The following SLC39A11 variants were observed in gnomAD, a reference collection of about 807,000 sequenced individuals.
The protein encoded by SLC39A11 is zinc transporter ZIP11.
SLC39A11 carries 33 observed loss-of-function variants against 36.1 expected under a neutral mutation model. The ratio of observed to expected loss-of-function variants is 0.91; its 90% confidence interval spans 0.69 to 1.22. The LOEUF is 1.22. Ranked by LOEUF, SLC39A11 falls within the 50% of genes most tolerant of loss-of-function variation. The pLI, the probability that SLC39A11 is intolerant of heterozygous loss-of-function variation, is 0.00. For missense variants in SLC39A11, 432 were observed against 430.3 expected (o/e 1.00, Z -0.03); for synonymous variants, 166 against 170.3 (o/e 0.97, Z 0.20).
intron 3 of SLC39A11, among the ~76,000 whole-genome samples, chr17:73,060,064 C>T (rs1036393482): frequency 6.6e-6 from 1 of 151,836 alleles, no homozygotes; most frequent in Non-Finnish European, 1.5e-5. Flanking sequence ...CAAAAATCGG[C>T]CAAGCATGGT....
intron 5 of SLC39A11, among the ~76,000 whole-genome samples, chr17:72,869,490 A>G (rs777889988): frequency 2.6e-5 from 4 of 152,174 alleles, no homozygotes; most frequent in Non-Finnish European, 5.9e-5. Context: ...CCCGGGTTCA[A>G]GCAATTCTCC....
At chr17:73,049,743 G>T (rs1383264019) in intron 3 of SLC39A11, among the ~76,000 whole-genome samples, 1 of 152,198 alleles carries the variant, frequency 6.6e-6, no homozygotes, top group African/African-American at 2.4e-5. Flanking sequence ...CCTGAGAGGG[G>T]CTTCCACTCC....
intron 7 of SLC39A11, among the ~76,000 whole-genome samples, chr17:72,664,441 T>C (rs539869343): frequency 1.1e-3 from 174 of 152,320 alleles, no homozygotes; most frequent in Admixed American, 3.1e-3. Context: ...CATTCTTGGC[T>C]ACTCTCTGTC....
At chr17:72,859,718 C>G (rs967600455) in intron 5 of SLC39A11, among the ~76,000 whole-genome samples, 1 of 150,502 alleles carries the variant, frequency 6.6e-6, no homozygotes, top group East Asian at 2.0e-4. Context: ...ACCAAGAAAA[C>G]TTCATAGAAA....
At chr17:72,734,527 G>A (rs916085869) in intron 7 of SLC39A11, among the ~76,000 whole-genome samples, 3 of 152,190 alleles carry the variant, frequency 2.0e-5, no homozygotes, top group Admixed American at 6.5e-5. Context: ...CTGCTGCCCC[G>A]ACTCCACCCC....
chr17:72,862,855 T>C (rs2080112214), intron 5 of SLC39A11, among the ~76,000 whole-genome samples: 1 of 152,198 alleles, frequency 6.6e-6, no homozygotes, highest in African/African-American at 2.4e-5. Context: ...GGGAGCAGAC[T>C]GTGAGTAGCT....
At chr17:72,847,004 G>A (rs1332446566) in intron 6 of SLC39A11, among the ~76,000 whole-genome samples, 1 of 152,160 alleles carries the variant, frequency 6.6e-6, no homozygotes, top group South Asian at 2.1e-4. Context: ...GGGTGGGCAC[G>A]AGCAGGGTCT....
Position 73,088,885 on chromosome 17 carries a change from A to G in SLC39A11, c.-11-110T>C. On this transcript the variant is annotated intron_variant, in intron 1 of 9. Coordinates refer to ENST00000255559, the MANE Select transcript of SLC39A11 (RefSeq NM_139177.4). ...TGGGAGCTGGCCTCCCTCCAGGTTG[A>G]CCGTATGCACCCTTCCACCACGCCA... 1.6e-5 allele frequency: 12 copies of G among 731,644 alleles called. No homozygotes were observed. The South Asian group carries it at 1.9e-4, about 12-fold the overall frequency. The allele number at this position is 731,644 out of a possible 1,614,324, so 45.3% of individuals were successfully genotyped here.
intron 4 of SLC39A11, among the ~76,000 whole-genome samples, chr17:73,021,956 C>T (rs563762282): frequency 3.3e-5 from 5 of 152,310 alleles, no homozygotes; most frequent in African/African-American, 9.6e-5. Context: ...TGTGTGTGTG[C>T]GCGCGTGTTC....
chr17:72,908,102 T>G (rs2082759293), intron 5 of SLC39A11, among the ~76,000 whole-genome samples: 1 of 152,156 alleles, frequency 6.6e-6, no homozygotes, highest in Admixed American at 6.5e-5. Context: ...GTGCCACAAG[T>G]GAGACATCAG....
chr17:72,780,267 A>G (rs2144851993), intron 6 of SLC39A11, among the ~76,000 whole-genome samples: 1 of 152,250 alleles, frequency 6.6e-6, no homozygotes, highest in Middle Eastern at 3.4e-3. Context: ...CCTTCTCTGA[A>G]AACACTTCCC....
intron 5 of SLC39A11, among the ~76,000 whole-genome samples, chr17:72,931,640 G>A (rs2084404272): frequency 6.6e-6 from 1 of 152,224 alleles, no homozygotes; most frequent in African/African-American, 2.4e-5. Context: ...TTGGTTCAAG[G>A]TTGAGGAATC....
chr17:72,807,620 A>C (rs76495931), intron 6 of SLC39A11, among the ~76,000 whole-genome samples: 1,700 of 152,326 alleles, frequency 0.011, 26 homozygotes, highest in African/African-American at 0.039. Flanking sequence ...ACAAGAAGAT[A>C]TGATGAGTTT....
chr17:72,954,984 G>A (rs2086139595), intron 4 of SLC39A11, among the ~76,000 whole-genome samples: 1 of 152,202 alleles, frequency 6.6e-6, no homozygotes, highest in Non-Finnish European at 1.5e-5. Context: ...CAAGGAGGAT[G>A]ACGGTTTAAG....
chr17:73,040,988 AAAAAAAC>A (rs71359753), intron 3 of SLC39A11, among the ~76,000 whole-genome samples: 9 of 132,210 alleles, frequency 6.8e-5, no homozygotes, highest in South Asian at 4.6e-4. Flanking sequence ...CCATCTCAAA[AAAAAAAC>A]AAAAAACAAA....
chr17:72,844,142 G>A (rs2078946846), intron 6 of SLC39A11, among the ~76,000 whole-genome samples: 1 of 152,206 alleles, frequency 6.6e-6, no homozygotes, highest in African/African-American at 2.4e-5. Context: ...ATAAAGGATA[G>A]TGTTAAAGAA....
At chr17:72,954,590 A>G (rs1287168672) in intron 4 of SLC39A11, among the ~76,000 whole-genome samples, 2 of 152,252 alleles carry the variant, frequency 1.3e-5, no homozygotes, top group Non-Finnish European at 1.5e-5. Flanking sequence ...CCAGACACAC[A>G]AGGCAACGTT....
At chr17:73,000,819 C>T (rs1161115122) in intron 4 of SLC39A11, among the ~76,000 whole-genome samples, 1 of 152,208 alleles carries the variant, frequency 6.6e-6, no homozygotes, top group East Asian at 1.9e-4. Flanking sequence ...TTTGAAACTA[C>T]ATTTTTGCTT....
At chr17:72,829,518 G>T (rs2078178454) in intron 6 of SLC39A11, among the ~76,000 whole-genome samples, 1 of 152,144 alleles carries the variant, frequency 6.6e-6, no homozygotes, top group African/African-American at 2.4e-5. Flanking sequence ...CAGCTCAAGG[G>T]CAGCTGGGCA....
Sources: allele counts gnomAD v4.1 joint callset (sites outside exome capture counted in the v4.1 genomes callset), GRCh38; gene constraint gnomAD v4.1.1; transcripts MANE v1.5; gene names NCBI Gene and HGNC (gene_info 2026-07-23, HGNC 2026-07-21).